MTERF4: variants seen among roughly 807,000 people sequenced by gnomAD.
MTERF4 encodes the protein mitochondrial transcription termination factor 4.
A neutral mutation model predicts 22.5 loss-of-function variants in MTERF4; 17 were observed. That is an observed-to-expected ratio of 0.75 (90% CI 0.52 to 1.13). MTERF4 has a LOEUF of 1.13. Among genes scored for constraint, MTERF4 ranks in the 50% most tolerant of loss-of-function variants. The pLI is 0.00. For synonymous variants in MTERF4, 165 were observed against 175.3 expected (o/e 0.94, Z 0.47); for missense variants, 420 against 466.8 (o/e 0.90, Z 0.92).
chr2:241,082,062 G>A lies in MTERF4; in HGVS notation n.480-6380C>T, dbSNP rs540281046. On this transcript the variant is annotated intron_variant and non_coding_transcript_variant, in intron 4 of 4. Transcript: ENST00000464344. ...GAGGGCTCCCTGACCCAGCCAGAGC[G>A]GTGTCAGGAGAAGGGACTCTCCACC... 7.2e-5 allele frequency among the ~76,000 whole-genome samples: 11 copies of A among 152,294 alleles called. No homozygotes were observed. The East Asian group carries it at 1.5e-3, about 21-fold the overall frequency.
downstream of MTERF4, among the ~76,000 whole-genome samples, chr2:241,084,653 CTTGT>C (rs771277799): frequency 3.9e-5 from 6 of 152,088 alleles, no homozygotes; most frequent in Admixed American, 6.5e-5. Context: ...CAAAAATTAT[CTTGT>C]TTTAGATATT....
chr2:241,065,176 C>T, the MTERF4 span: 1 of 1,034,296 alleles, frequency 9.7e-7, no homozygotes. Flanking sequence ...CAAAGAAGGA[C>T]TCTGCCAGCG....
chr2:241,071,396 AAGGGAACCC>A, downstream of MTERF4: 1 of 671,418 alleles, frequency 1.5e-6, no homozygotes, highest in Non-Finnish European at 2.5e-6. Context: ...GGTGGGCTGG[AAGGGAACCC>A]AGGGCATCTG....
At chr2:241,068,862 C>G (rs759492023), downstream of MTERF4, 1 of 1,326,418 alleles carries the variant, frequency 7.5e-7, no homozygotes, top group South Asian at 1.3e-5. This position sits in a 1 kb window ranked among gnomAD's most constrained non-coding sequence, Gnocchi z 5.3. Context: ...CAGAGTCACA[C>G]ACAGGTCCCA....
chr2:241,087,318 A>G, downstream of MTERF4: 18 of 1,420,600 alleles, frequency 1.3e-5, no homozygotes, highest in Non-Finnish European at 1.6e-5. Context: ...CTGTGGGTTC[A>G]CATAGCCTAG....
At chr2:241,046,497 G>A in the MTERF4 span, among the ~76,000 whole-genome samples, 3 of 152,180 alleles carry the variant, frequency 2.0e-5, no homozygotes, top group Non-Finnish European at 1.5e-5. Flanking sequence ...AGATACATAC[G>A]ACAACTTAGA....
the MTERF4 span, among the ~76,000 whole-genome samples, chr2:241,059,844 G>C: frequency 1.3e-5 from 2 of 152,304 alleles, no homozygotes; most frequent in Admixed American, 1.3e-4. Context: ...CCTGGAATCC[G>C]TACAAGGCAA....
chr2:241,069,397 T>C (rs2062602172), downstream of MTERF4, among the ~76,000 whole-genome samples: 1 of 152,112 alleles, frequency 6.6e-6, no homozygotes, highest in Admixed American at 6.5e-5. This position sits in a 1 kb window ranked among gnomAD's most constrained non-coding sequence, Gnocchi z 4.9. Flanking sequence ...CTGGTGTCAC[T>C]AGGCCCACAC....
the MTERF4 span, among the ~76,000 whole-genome samples, chr2:241,054,007 G>C: frequency 6.6e-6 from 1 of 152,228 alleles, no homozygotes; most frequent in African/African-American, 2.4e-5. Context: ...CCAGATTTGA[G>C]TGGGGCACAT....
At chr2:241,052,449 G>A in the MTERF4 span, 1 of 1,609,748 alleles carries the variant, frequency 6.2e-7, no homozygotes, top group Non-Finnish European at 8.5e-7. Flanking sequence ...CAGGGTACAT[G>A]GGACGCCGGT....
Position 241,097,273 on chromosome 2 carries a change from C to T in MTERF4, c.675G>A (p.Glu225=). ...ILHSCPSVLR[E]DLGQLEYKFQ... ...ACTTGTATTCCAGTTGACCCAGGTC[C>T]TCTCGAAGAACAGAGGGGCAACTGT... The change falls in exon 3 of 4, where the codon GAG becomes GAA. Residue 225 remains glutamate (E), a synonymous_variant. Coordinates refer to ENST00000391980, the MANE Select transcript of MTERF4 (RefSeq NM_182501.4). 1 of 1,614,082 alleles carries T rather than the reference C, an allele frequency of 6.2e-7. No individual in the cohort carries two copies. Among genetic ancestry groups the T allele is most frequent in the East Asian group, 2.2e-5 (1 of 44,892 alleles).
chr2:241,048,226 A>G, the MTERF4 span: 10 of 1,427,788 alleles, frequency 7.0e-6, no homozygotes, highest in Non-Finnish European at 9.2e-6. Context: ...ACAGAGGTGA[A>G]AACCCAAAGG....
chr2:241,085,953 G>A (rs1029396853), downstream of MTERF4, among the ~76,000 whole-genome samples: 5 of 132,864 alleles, frequency 3.8e-5, no homozygotes, highest in South Asian at 2.6e-4. Context: ...TACAACCTCC[G>A]CCCTCCTGGG....
intron 4 of MTERF4, among the ~76,000 whole-genome samples, chr2:241,079,178 C>T (rs190142957): frequency 0.017 from 2,514 of 145,348 alleles, 72 homozygotes; most frequent in African/African-American, 0.061. Context: ...TTTGGGAGGC[C>T]GAGGCAGGTG....
chr2:241,096,246 C>CA lies in MTERF4; in HGVS notation c.897dup (p.Glu300Ter), dbSNP rs2064414137. ...GTACAGGCTGTCCTGGCCAAAAACTCAGCTTCTGAAACTCTGAGAATGTCC... is the reference window on the plus strand; with the variant it reads ...GTACAGGCTGTCCTGGCCAAAAACTCAAGCTTCTGAAACTCTGAGAATGTCC... On this transcript the variant is annotated frameshift_variant, in exon 4 of 4. Transcript: ENST00000391980. LOFTEE classifies it low-confidence loss of function (END_TRUNC). The surrounding 1 kb of genome is among the most constrained non-coding windows in gnomAD (Gnocchi z 5.1). The CA allele has an allele frequency of 5.0e-6, 8 of 1,614,218 alleles. No homozygotes were observed. The highest frequency in any genetic ancestry group is 5.9e-6 in the Non-Finnish European group (7 of 1,180,046).
At chr2:241,074,513 C>T (rs548066765) in exon 5 of MTERF4, 11 of 152,232 alleles carry the variant, frequency 7.2e-5, no homozygotes, top group Admixed American at 3.3e-4. Flanking sequence ...TGTTCATTTC[C>T]TAGAACTCAG....
At chr2:241,087,490 C>T (rs1227238797), downstream of MTERF4, 2 of 1,592,096 alleles carry the variant, frequency 1.3e-6, no homozygotes, top group African/African-American at 1.3e-5. Context: ...CTCTGGGGAG[C>T]AGGCCCATGC....
chr2:241,090,193 C>G, downstream of MTERF4: 1 of 1,468,400 alleles, frequency 6.8e-7, no homozygotes, highest in South Asian at 1.4e-5. Context: ...GTGCTTTTCT[C>G]TGTTTTTAAA....
chr2:241,081,684 T>C, intron 4 of MTERF4: 1 of 1,602,502 alleles, frequency 6.2e-7, no homozygotes, highest in Non-Finnish European at 8.5e-7. Flanking sequence ...CAGACGTCCC[T>C]GGCAACTGTT....
Sources: gnomAD v4.1 joint callset for allele counts (sites outside exome capture counted in the v4.1 genomes callset) on GRCh38, gnomAD v4.1.1 for gene constraint, Gnocchi (gnomAD v3.1) non-coding constraint, MANE v1.5 for transcripts, NCBI Gene and HGNC (gene_info 2026-07-23, HGNC 2026-07-21) for gene names.